Variants in STXBP5 observed in about 807,000 individuals in gnomAD.
STXBP5 encodes syntaxin binding protein 5.
In STXBP5, 50 loss-of-function variants were observed where a neutral mutation model predicts 152.4. The observed-to-expected ratio is 0.33, with a 90% CI of 0.26 to 0.42. STXBP5 has a LOEUF of 0.42. STXBP5 is among the 10% of genes least tolerant of loss of function. The pLI, the probability that STXBP5 is intolerant of heterozygous loss-of-function variation, is 1.00. For missense variants in STXBP5, 1,167 were observed against 1,388.6 expected (o/e 0.84, Z 2.54); for synonymous variants, 492 against 494.7 (o/e 0.99, Z 0.07).
intron 11 of STXBP5, among the ~76,000 whole-genome samples, chr6:147,313,251 G>A (rs1453487469): frequency 6.6e-6 from 1 of 152,056 alleles, no homozygotes; most frequent in African/African-American, 2.4e-5. Context: ...TGGTTTTCCA[G>A]ACTATTCTCA....
intron 7 of STXBP5, among the ~76,000 whole-genome samples, chr6:147,267,674 G>GT (rs975701114): frequency 9.2e-5 from 14 of 151,764 alleles, no homozygotes; most frequent in Admixed American, 2.6e-4. Context: ...TCTTTAACAT[G>GT]TTTTTTTGTT....
chr6:147,369,493 C>T (rs1313737756), intron 25 of STXBP5, among the ~76,000 whole-genome samples: 1 of 151,974 alleles, frequency 6.6e-6, no homozygotes, highest in Non-Finnish European at 1.5e-5. Flanking sequence ...AATTTCTACT[C>T]TTCAGAAGAC....
intron 22 of STXBP5, among the ~76,000 whole-genome samples, chr6:147,354,075 G>A (rs1482426661): frequency 1.4e-5 from 2 of 141,644 alleles, no homozygotes; most frequent in Admixed American, 1.5e-4. Flanking sequence ...TAACTAAATA[G>A]GTATGATTGT....
intron 21 of STXBP5, chr6:147,351,946 C>A: frequency 3.2e-6 from 3 of 947,702 alleles, no homozygotes; most frequent in Non-Finnish European, 2.5e-6. Flanking sequence ...CTAATATATT[C>A]ATTCCTGTAT....
chr6:147,207,562 CG>C (rs930717291), intron 2 of STXBP5, among the ~76,000 whole-genome samples: 7 of 152,022 alleles, frequency 4.6e-5, no homozygotes, highest in Admixed American at 2.0e-4. Flanking sequence ...TGTGTGAAGA[CG>C]GGAATGAAGT....
chr6:147,255,394 A>T (rs975900166), intron 4 of STXBP5, among the ~76,000 whole-genome samples: 1 of 152,220 alleles, frequency 6.6e-6, no homozygotes, highest in East Asian at 1.9e-4. Flanking sequence ...AAAGTCATGA[A>T]GCAATCTCCC....
At chr6:147,262,804 G>A (rs1428301046) in intron 6 of STXBP5, among the ~76,000 whole-genome samples, 1 of 151,018 alleles carries the variant, frequency 6.6e-6, no homozygotes, top group Non-Finnish European at 1.5e-5. Flanking sequence ...ATAATGTAGA[G>A]TTTTTTTTAA....
At chr6:147,206,123 C>A in intron 2 of STXBP5, 55 bp downstream of exon 2, 1 of 1,468,728 alleles carries the variant, frequency 6.8e-7, no homozygotes, top group South Asian at 1.1e-5. Context: ...CCCAGTCCTT[C>A]TGTGTTGCTG....
intron 7 of STXBP5, 47 bp downstream of exon 7, chr6:147,267,214 A>G (rs763998007): frequency 2.7e-6 from 4 of 1,483,384 alleles, no homozygotes; most frequent in East Asian, 2.3e-5. Context: ...TCTCTCATAT[A>G]AAGCAGTTTC....
At chr6:147,302,905 A>G (rs766748982) in intron 9 of STXBP5, among the ~76,000 whole-genome samples, 4 of 152,208 alleles carry the variant, frequency 2.6e-5, no homozygotes, top group Non-Finnish European at 5.9e-5. Flanking sequence ...GTAAATACAA[A>G]TATAGGAGTG....
intron 26 of STXBP5, among the ~76,000 whole-genome samples, chr6:147,376,614 C>T (rs1308834798): frequency 1.3e-5 from 2 of 151,966 alleles, no homozygotes; most frequent in Non-Finnish European, 2.9e-5. Flanking sequence ...ACCAGGAGTT[C>T]GAGACCAGCC....
At chr6:147,208,989 A>G (rs1776713683) in intron 2 of STXBP5, among the ~76,000 whole-genome samples, 2 of 152,218 alleles carry the variant, frequency 1.3e-5, no homozygotes, top group South Asian at 4.1e-4. Context: ...GCTTCTGGAG[A>G]GAATATGAGA....
chr6:147,351,250 A>T, intron 21 of STXBP5, among the ~76,000 whole-genome samples: 1 of 152,352 alleles, frequency 6.6e-6, no homozygotes, highest in South Asian at 2.1e-4. Context: ...CAAGATCTCC[A>T]TGTGACTGGT....
intron 19 of STXBP5, among the ~76,000 whole-genome samples, chr6:147,336,225 C>G (rs1783820294): frequency 6.6e-6 from 1 of 152,042 alleles, no homozygotes; most frequent in Non-Finnish European, 1.5e-5. Context: ...CTAGTAAGAG[C>G]ATTACAGTAG....
rs1786534141 is a variant in STXBP5, at chr6:147,390,372, A to T, written c.*5617A>T. 6.6e-6 allele frequency: 1 copy of T among 151,968 alleles called. No homozygotes were observed. The highest frequency in any genetic ancestry group is 1.5e-5 in the Non-Finnish European group (1 of 67,956). The allele number at this position is 151,968 out of a possible 1,614,324, so 9.4% of individuals were successfully genotyped here. A position where few individuals can be genotyped will look rare whatever the true frequency, so the allele number is the denominator to read the frequency against. On this transcript the variant is annotated 3_prime_UTR_variant, in exon 28 of 28. Coordinates refer to ENST00000321680, the MANE Select transcript of STXBP5 (RefSeq NM_001127715.4). ...TAAAAAATGTATTATAAATTAATTA[A>T]TGTTTCTGGAAAATGTTCATATATA... is the stretch of plus-strand genomic sequence containing the variant.
At chr6:147,261,870 AT>A (rs199953612) in intron 5 of STXBP5, among the ~76,000 whole-genome samples, 74 of 149,068 alleles carry the variant, frequency 5.0e-4, no homozygotes, top group Middle Eastern at 3.5e-3. Context: ...AGGTGGCATT[AT>A]TTTTTTTTTA....
intron 9 of STXBP5, among the ~76,000 whole-genome samples, chr6:147,307,171 C>T (rs1782135995): frequency 2.0e-5 from 3 of 152,142 alleles, no homozygotes; most frequent in Admixed American, 2.0e-4. Flanking sequence ...TTTACTCCAT[C>T]AAGTGTCTAG....
At chr6:147,258,553 C>A (rs1361601121) in intron 4 of STXBP5, among the ~76,000 whole-genome samples, 2 of 152,238 alleles carry the variant, frequency 1.3e-5, no homozygotes, top group African/African-American at 2.4e-5. Context: ...CGTGCCTCAG[C>A]CTCCTGAGTA....
rs1786425347 is a variant in STXBP5, at chr6:147,388,079, C to G, written c.*3324C>G. 6.6e-6 allele frequency: 1 copy of G among 151,736 alleles called. No homozygotes were observed. The highest frequency in any genetic ancestry group is 2.4e-5 in the African/African-American group (1 of 41,390). 9.4% of individuals were successfully genotyped at this position (151,736 alleles called of 1,614,324 possible). A position where few individuals can be genotyped will look rare whatever the true frequency, so the allele number is the denominator to read the frequency against. On this transcript the variant is annotated 3_prime_UTR_variant, in exon 28 of 28. Coordinates refer to ENST00000321680, the MANE Select transcript of STXBP5 (RefSeq NM_001127715.4). ...GGCAAAGATTTATTTTACACTTTAA[C>G]TTTTGGGATTTTATTTGTTTCAGCA...
Sources: allele counts gnomAD v4.1 joint callset (sites outside exome capture counted in the v4.1 genomes callset), GRCh38; gene constraint gnomAD v4.1.1; transcripts MANE v1.5; gene names NCBI Gene and HGNC (gene_info 2026-07-23, HGNC 2026-07-21).